Variants in ADAMDEC1 observed in about 807,000 individuals in gnomAD.
ADAMDEC1 encodes ADAM DEC1.
Under a neutral mutation model 60.4 loss-of-function variants are expected in ADAMDEC1, and 62 were observed. The ratio of observed to expected loss-of-function variants is 1.03; its 90% CI spans 0.84 to 1.27. The LOEUF (loss-of-function observed/expected upper bound fraction) is 1.27. Ranked by LOEUF, ADAMDEC1 falls within the 50% of genes most tolerant of loss-of-function variation. ADAMDEC1 has a pLI of 0.00. For missense variants in ADAMDEC1, 595 were observed against 565.0 expected, an observed-to-expected ratio of 1.05 and a Z score of -0.54; for synonymous variants, 210 against 195.1, an observed-to-expected ratio of 1.08 and a Z score of -0.64.
chr8:24,390,261 T>C (rs934409663), intron 1 of ADAMDEC1: 13 of 968,368 alleles, frequency 1.3e-5, no homozygotes, highest in Non-Finnish European at 1.7e-5. Context: ...TACGTTTACA[T>C]TATTTTTTCT....
intron 9 of ADAMDEC1, among the ~76,000 whole-genome samples, 159 bp from the exon 10 acceptor site, chr8:24,399,234 C>T (rs1398146974): frequency 6.6e-6 from 1 of 152,096 alleles, no homozygotes; most frequent in East Asian, 1.9e-4. Flanking sequence ...TATAAGATAA[C>T]CATCTGTGGT....
chr8:24,393,481 A>T, intron 3 of ADAMDEC1, 143 bp downstream of exon 3: 1 of 484,938 alleles, frequency 2.1e-6, no homozygotes, highest in Non-Finnish European at 3.7e-6. Context: ...TGTGCTAAAA[A>T]GGCTGATTTC....
At chr8:24,402,451 G>A (rs1415146985) in intron 12 of ADAMDEC1, among the ~76,000 whole-genome samples, 1 of 152,160 alleles carries the variant, frequency 6.6e-6, no homozygotes, top group East Asian at 1.9e-4. Flanking sequence ...TCTACTCAGA[G>A]GGAGAGTTGG....
At chr8:24,389,641 C>T (rs1817386761) in intron 1 of ADAMDEC1, among the ~76,000 whole-genome samples, 1 of 152,178 alleles carries the variant, frequency 6.6e-6, no homozygotes, top group Non-Finnish European at 1.5e-5. Context: ...GCCAAATTTT[C>T]TATCAGGTCT....
At chr8:24,403,005 C>G (rs1817803038) in intron 12 of ADAMDEC1, among the ~76,000 whole-genome samples, 1 of 151,990 alleles carries the variant, frequency 6.6e-6, no homozygotes, top group South Asian at 2.1e-4. Context: ...ATTGAAGATA[C>G]TCAAAACCCT....
intron 2 of ADAMDEC1, 138 bp downstream of exon 2, chr8:24,392,518 T>G: frequency 1.7e-6 from 1 of 580,690 alleles, no homozygotes; most frequent in Non-Finnish European, 3.0e-6. Flanking sequence ...CTCCCCTTTG[T>G]TCAGGAGACA....
intron 2 of ADAMDEC1, among the ~76,000 whole-genome samples, chr8:24,392,828 T>C (rs1267097106): frequency 6.6e-6 from 1 of 151,758 alleles, no homozygotes; most frequent in Non-Finnish European, 1.5e-5. Context: ...GACTATTACA[T>C]TGTTGCAAGT....
At chr8:24,384,656 CT>C in intron 1 of ADAMDEC1, 64 bp downstream of exon 1, 14 of 1,424,370 alleles carry the variant, frequency 9.8e-6, no homozygotes, top group Non-Finnish European at 1.1e-5. Flanking sequence ...TTTAAAGTGC[CT>C]TTTGAAAAAA....
chr8:24,405,261 G>A lies in ADAMDEC1; in HGVS notation c.1407-31G>A, dbSNP rs1817860695. 1.9e-6 allele frequency: 3 copies of A among 1,607,782 alleles called. No individual in the cohort carries two copies. In the East Asian group the frequency reaches 6.7e-5, roughly 36 times the overall value. ...ATATTTTGTAACTTGTAATAACCCT[G>A]GCTTCCAAATTTTATTTTTCCTTCA... On this transcript the variant is annotated intron_variant, in intron 13 of 13. Transcript: ENST00000256412.
intron 2 of ADAMDEC1, 28 bp downstream of exon 2, chr8:24,392,408 T>A: frequency 1.3e-6 from 2 of 1,498,410 alleles, no homozygotes; most frequent in East Asian, 2.3e-5. Flanking sequence ...CCGTGGTAGA[T>A]GTTACAATCA....
chr8:24,403,639 T>C (rs1488153611), intron 12 of ADAMDEC1, among the ~76,000 whole-genome samples: 3 of 152,142 alleles, frequency 2.0e-5, no homozygotes, highest in Non-Finnish European at 4.4e-5. Context: ...GAAATGTATA[T>C]ATAAAGTTCT....
chr8:24,404,179 A>G (rs1817834315), intron 13 of ADAMDEC1, 91 bp downstream of exon 13: 3 of 1,078,066 alleles, frequency 2.8e-6, no homozygotes, highest in Non-Finnish European at 4.1e-6. Flanking sequence ...ATAATACACT[A>G]AAACACAATG....
chr8:24,391,290 A>G (rs552406238), intron 1 of ADAMDEC1, among the ~76,000 whole-genome samples: 5 of 152,330 alleles, frequency 3.3e-5, no homozygotes, highest in Middle Eastern at 3.4e-3. Context: ...GCATTCAGAA[A>G]TAAGACTGAC....
In ADAMDEC1 at chr8:24,404,418, T is replaced by G. The variant is rs560759807; in HGVS notation, c.1406+330T>G. Among the ~76,000 whole-genome samples the G allele has an allele frequency of 9.7e-4, 147 of 152,178 alleles. 1 individual carries two copies. The highest frequency in any genetic ancestry group is 1.8e-3 in the Non-Finnish European group (122 of 68,032). ...AAAGTGTATTTAAAAACAGCCTCAG[T>G]TGATGAGCTCATTTTATTCTTGGTT... On this transcript the variant is annotated intron_variant, in intron 13 of 13. Transcript: ENST00000256412.
intron 11 of ADAMDEC1, 118 bp from the exon 12 acceptor site, chr8:24,401,797 G>C (rs1817771829): frequency 5.4e-6 from 5 of 932,110 alleles, no homozygotes; most frequent in Non-Finnish European, 7.8e-6. Flanking sequence ...AATTTCCATT[G>C]AGCTCGGTAA....
chr8:24,387,243 C>A (rs1291794134), intron 1 of ADAMDEC1: 1 of 152,134 alleles, frequency 6.6e-6, no homozygotes, highest in Non-Finnish European at 1.5e-5. Flanking sequence ...GGTCCCATAA[C>A]AGTAGTGTAT....
At chr8:24,392,777 T>C (rs1467646775) in intron 2 of ADAMDEC1, among the ~76,000 whole-genome samples, 1 of 151,902 alleles carries the variant, frequency 6.6e-6, no homozygotes, top group Admixed American at 6.6e-5. Context: ...TATCAGTAGT[T>C]AACATAATAT....
chr8:24,405,470 G>T lies in ADAMDEC1; in HGVS notation c.*172G>T. On this transcript the variant is annotated 3_prime_UTR_variant, in exon 14 of 14. Transcript: ENST00000256412. ...GTAAACAGATGTAATTAGAGACATT[G>T]GCTCTTTGTTTAGGCCTAATCTTTC... The T allele has an allele frequency of 3.3e-6, 2 of 604,774 alleles. No homozygotes were observed. The highest frequency in any genetic ancestry group is 3.2e-5 in the South Asian group (1 of 31,710). 37.5% of individuals were successfully genotyped at this position (604,774 alleles called of 1,614,324 possible). A position where few individuals can be genotyped will look rare whatever the true frequency, so the allele number is the denominator to read the frequency against.
At chr8:24,401,803 G>A (rs1317266579) in intron 11 of ADAMDEC1, 112 bp from the exon 12 acceptor site, 20 of 976,438 alleles carry the variant, frequency 2.0e-5, no homozygotes, top group East Asian at 5.1e-5. Context: ...CATTGAGCTC[G>A]GTAATACAGT....
Sources: allele counts gnomAD v4.1 joint callset (sites outside exome capture counted in the v4.1 genomes callset), GRCh38; gene constraint gnomAD v4.1.1; transcripts MANE v1.5; gene names NCBI Gene and HGNC (gene_info 2026-07-23, HGNC 2026-07-21).